The following MINDY2 variants were observed in gnomAD, a reference collection of about 807,000 sequenced individuals.
MINDY2 encodes MINDY lysine 48 deubiquitinase 2.
A neutral mutation model predicts 68.2 loss-of-function variants in MINDY2; 52 were observed. The observed-to-expected ratio is 0.76, with a 90% CI of 0.61 to 0.96. The LOEUF (loss-of-function observed/expected upper bound fraction) is 0.96. Ranked by LOEUF, MINDY2 falls within the 40% of genes least tolerant of loss-of-function variation. The pLI, the probability that MINDY2 is intolerant of heterozygous loss-of-function variation, is 0.00. For synonymous variants in MINDY2, 372 were observed against 303.0 expected (o/e 1.23, Z -2.36); for missense variants, 881 against 773.4 (o/e 1.14, Z -1.65).
rs1322876675 is a variant in MINDY2, at chr15:58,855,285, C to T, written c.*675C>T. ...AGCAAAAAGTTACATAACACTAATA[C>T]TTATAACCTATCAATATCAGATATT... On this transcript the variant is annotated 3_prime_UTR_variant, in exon 9 of 9. Coordinates refer to ENST00000559228, the MANE Select transcript of MINDY2 (RefSeq NM_001040450.3). 1.3e-5 allele frequency: 2 copies of T among 152,562 alleles called. No homozygotes were observed. Among genetic ancestry groups the T allele is most frequent in the Non-Finnish European group, 2.9e-5 (2 of 68,016 alleles). 9.5% of individuals were successfully genotyped at this position (152,562 alleles called of 1,614,324 possible).
intron 6 of MINDY2, among the ~76,000 whole-genome samples, chr15:58,844,699 C>G (rs534646): frequency 1.4e-4 from 21 of 151,470 alleles, no homozygotes; most frequent in Admixed American, 1.3e-3. Context: ...GGTGGATCAT[C>G]TGAGGTCAGG....
At chr15:58,789,680 T>A (rs1901756422) in intron 2 of MINDY2, among the ~76,000 whole-genome samples, 1 of 151,872 alleles carries the variant, frequency 6.6e-6, no homozygotes, top group Non-Finnish European at 1.5e-5. Flanking sequence ...AGAGTTTCAC[T>A]CTTGTTTCTC....
intron 8 of MINDY2, among the ~76,000 whole-genome samples, chr15:58,852,922 GTTTTTTTTTTTTTTTTTTTTTTTTTT>G (rs746154698): frequency 4.1e-5 from 2 of 48,930 alleles, no homozygotes; most frequent in African/African-American, 1.5e-4. Context: ...TGCTGTTCCT[GTTTTTTTTTTTTTTTTTTTTTTTTTT>G]TTTTTTTTTT....
intron 2 of MINDY2, among the ~76,000 whole-genome samples, chr15:58,789,991 C>T (rs539967286): frequency 3.9e-5 from 6 of 152,120 alleles, no homozygotes; most frequent in Non-Finnish European, 8.8e-5. Flanking sequence ...GTTTCCCAGG[C>T]TTGTCTTGAA....
At chr15:58,846,692 G>C (rs971711260) in intron 6 of MINDY2, among the ~76,000 whole-genome samples, 11 of 151,728 alleles carry the variant, frequency 7.2e-5, no homozygotes, top group African/African-American at 2.7e-4. Flanking sequence ...TTGTATGCAC[G>C]TACAGAGTTT....
At chr15:58,820,673 G>C (rs937419600) in intron 4 of MINDY2, among the ~76,000 whole-genome samples, 9 of 152,086 alleles carry the variant, frequency 5.9e-5, no homozygotes, top group Middle Eastern at 3.2e-3. Context: ...CTGGGCAGTG[G>C]AATGAAAACT....
chr15:58,857,003 T>C lies in MINDY2; in HGVS notation c.*2393T>C, dbSNP rs1382852462. On this transcript the variant is annotated 3_prime_UTR_variant, in exon 9 of 9. Transcript: ENST00000559228. ...AAAACTCACTCAAAACCAGCAGTGCTGCTATCAGATAAGTAGATGTCAATG... is the reference window on the plus strand; with the variant it reads ...AAAACTCACTCAAAACCAGCAGTGCCGCTATCAGATAAGTAGATGTCAATG... 4 of 152,230 alleles carry C rather than the reference T, an allele frequency of 2.6e-5. No homozygotes were observed. The highest frequency in any genetic ancestry group is 1.3e-4 in the Admixed American group (2 of 15,284). 9.4% of individuals were successfully genotyped at this position (152,230 alleles called of 1,614,324 possible).
intron 6 of MINDY2, among the ~76,000 whole-genome samples, chr15:58,833,499 G>T (rs1421112383): frequency 6.6e-6 from 1 of 152,198 alleles, no homozygotes; most frequent in Non-Finnish European, 1.5e-5. Context: ...GCCGGCACCG[G>T]CCTCTGAGTT....
chr15:58,832,040 A>G, intron 6 of MINDY2, 124 bp downstream of exon 6: 2 of 838,018 alleles, frequency 2.4e-6, no homozygotes, highest in Non-Finnish European at 3.5e-6. Context: ...TCAAATTATG[A>G]AGGTAATTAT....
At chr15:58,831,403 T>C (rs972850046) in intron 5 of MINDY2, among the ~76,000 whole-genome samples, 3 of 152,198 alleles carry the variant, frequency 2.0e-5, no homozygotes, top group Non-Finnish European at 2.9e-5. Context: ...ACATTTTTCT[T>C]TCCCACCCAT....
At chr15:58,827,778 A>C (rs1319389521) in intron 5 of MINDY2, among the ~76,000 whole-genome samples, 1 of 152,058 alleles carries the variant, frequency 6.6e-6, no homozygotes, top group African/African-American at 2.4e-5. Flanking sequence ...ATCCATTATC[A>C]TTATTCTTTT....
At chr15:58,799,291 G>T (rs751880390) in intron 2 of MINDY2, among the ~76,000 whole-genome samples, 2 of 152,226 alleles carry the variant, frequency 1.3e-5, no homozygotes, top group Non-Finnish European at 2.9e-5. Flanking sequence ...AACACGGCTG[G>T]GCGCGGTGGC....
At position 58,851,779 on chromosome 15, in the gene MINDY2, T is replaced by G; in HGVS notation, c.1551T>G (p.Leu517=). ...GQQDQIDQDY[L]MALSLQQEQQ... ...ATAATTTAATTTATTAGGATTATCTTATGGCATTATCTCTACAACAAGAAC... is the reference window on the plus strand; with the variant it reads ...ATAATTTAATTTATTAGGATTATCTGATGGCATTATCTCTACAACAAGAAC... The change falls in exon 8 of 9, where the codon CTT becomes CTG. Residue 517 remains leucine (L), a synonymous_variant. Transcript: ENST00000559228. 6.3e-7 allele frequency: 1 copy of G among 1,577,938 alleles called. No homozygotes were observed. The highest frequency in any genetic ancestry group is 8.6e-7 in the Non-Finnish European group (1 of 1,169,054).
chr15:58,826,368 C>T (rs11629654), intron 5 of MINDY2, among the ~76,000 whole-genome samples: 41,943 of 151,436 alleles, frequency 0.28, 7,775 homozygotes, highest in East Asian at 0.52. Flanking sequence ...TAGCTGGGAT[C>T]ACAGGCATGC....
At position 58,832,414 on chromosome 15, in the gene MINDY2, A is replaced by G. The variant is rs754400975; in HGVS notation, c.1368+498A>G. On this transcript the variant is annotated intron_variant, in intron 6 of 8. Coordinates refer to ENST00000559228, the MANE Select transcript of MINDY2 (RefSeq NM_001040450.3). ...GCTAATTTTTGTGTATTTTTAGGAG[A>G]GATGGGGTTTCTCCATGTTGGTCAG... Among the ~76,000 whole-genome samples the G allele has an allele frequency of 2.6e-4, 40 of 151,018 alleles. 1 individual carries two copies. Among genetic ancestry groups the G allele is most frequent in the Non-Finnish European group, 4.3e-4 (29 of 67,840 alleles).
chr15:58,795,690 C>T (rs1409003111), intron 2 of MINDY2, among the ~76,000 whole-genome samples: 2 of 152,326 alleles, frequency 1.3e-5, no homozygotes, highest in East Asian at 3.9e-4. Context: ...AGGCGTGAGC[C>T]ACTGCGCCCA....
Position 58,854,662 on chromosome 15 carries a change from C to A in MINDY2, c.*52C>A. ...CTATATGTCTTGAGAAACAAAACCA[C>A]AGGAGGAAAGGAAGAAAAACCGATC... is the stretch of plus-strand genomic sequence containing the variant. On this transcript the variant is annotated 3_prime_UTR_variant, in exon 9 of 9. Transcript: ENST00000559228. 6.4e-7 allele frequency: 1 copy of A among 1,555,280 alleles called. No individual in the cohort carries two copies. Among genetic ancestry groups the A allele is most frequent in the Non-Finnish European group, 8.6e-7 (1 of 1,159,756 alleles).
intron 4 of MINDY2, among the ~76,000 whole-genome samples, chr15:58,818,334 C>G (rs1358985257): frequency 6.6e-6 from 1 of 152,202 alleles, no homozygotes; most frequent in Admixed American, 6.5e-5. Context: ...TCATAGCTCA[C>G]TGCAACCTGG....
In MINDY2 at chr15:58,791,215, T is replaced by TTATATATATATATATATATATA. The variant is rs57998049; in HGVS notation, c.898+3272_898+3293dup. Among the ~76,000 whole-genome samples, 46 of 79,554 alleles carry TTATATATATATATATATATATA rather than the reference T, an allele frequency of 5.8e-4. 1 individual carries two copies. Among genetic ancestry groups the TTATATATATATATATATATATA allele is most frequent in the Non-Finnish European group, 7.9e-4 (25 of 31,522 alleles). 52.2% of individuals were successfully genotyped at this position (79,554 alleles called of 152,430 possible). ...AAAGGGAGCCATCAGGAAAGCAATT[T>TTATATATATATATATATATATA]TATATATATATATATATATATATAT... On this transcript the variant is annotated intron_variant, in intron 2 of 8. Transcript: ENST00000559228.
Sources: allele counts gnomAD v4.1 joint callset (sites outside exome capture counted in the v4.1 genomes callset), GRCh38; gene constraint gnomAD v4.1.1; transcripts MANE v1.5; gene names NCBI Gene and HGNC (gene_info 2026-07-23, HGNC 2026-07-21).